The following PCSK6 variants were observed in gnomAD, a reference collection of about 807,000 sequenced individuals.
PCSK6 encodes paired basic amino acid cleaving enzyme 4.
A neutral mutation model predicts 123.3 loss-of-function variants in PCSK6; 85 were observed. The observed-to-expected ratio is 0.69, with a 90% CI of 0.58 to 0.83. The LOEUF (loss-of-function observed/expected upper bound fraction) is 0.83. PCSK6 is among the 40% of genes least tolerant of loss of function. PCSK6 has a pLI of 0.00. For synonymous variants in PCSK6, 508 were observed against 516.0 expected (o/e 0.98, Z 0.21); for missense variants, 1,191 against 1,282.3 (o/e 0.93, Z 1.09).
At chr15:101,365,870 T>C (rs8029747) in intron 13 of PCSK6, 78,737 of 197,998 alleles carry the variant, frequency 0.4, 17,375 homozygotes, top group East Asian at 0.59. Context: ...TCCAAAGAAA[T>C]GGTAAGTGGA....
At chr15:101,485,919 C>T (rs1403366817) in intron 1 of PCSK6, among the ~76,000 whole-genome samples, 1 of 151,952 alleles carries the variant, frequency 6.6e-6, no homozygotes, top group Non-Finnish European at 1.5e-5. Context: ...AGCCAGCCCT[C>T]CCATGCATGA....
chr15:101,445,501 C>A (rs919617404), intron 1 of PCSK6, among the ~76,000 whole-genome samples: 2 of 152,160 alleles, frequency 1.3e-5, no homozygotes, highest in Non-Finnish European at 2.9e-5. Flanking sequence ...TTATTTCTGC[C>A]CTATTTTGCT....
At chr15:101,376,854 C>T (rs2041760017) in intron 11 of PCSK6, among the ~76,000 whole-genome samples, 1 of 152,144 alleles carries the variant, frequency 6.6e-6, no homozygotes, top group South Asian at 2.1e-4. Context: ...CTTCTGAGGA[C>T]ACCCAGGCAT....
rs377128336 is a variant in PCSK6 at position 101,326,362 on chromosome 15, C to T, written c.2180+15G>A. ...CACTGAGTGGTGAGCCACAGGGCTG[C>T]GGGACATGCATTACCTGCTGGTCTT... On this transcript the variant is annotated intron_variant, in intron 16 of 21. Transcript: ENST00000611716. The T allele has an allele frequency of 1.7e-5, 27 of 1,553,102 alleles. No individual in the cohort carries two copies. The highest frequency in any genetic ancestry group is 1.6e-4 in the African/African-American group (12 of 73,280).
intron 9 of PCSK6, among the ~76,000 whole-genome samples, chr15:101,385,429 G>A (rs929493013): frequency 4.6e-5 from 7 of 152,284 alleles, no homozygotes; most frequent in East Asian, 1.9e-4. Context: ...TTGCCTGGAG[G>A]TGCTGAACTT....
At chr15:101,340,402 A>T (rs2040574376) in intron 13 of PCSK6, among the ~76,000 whole-genome samples, 1 of 152,246 alleles carries the variant, frequency 6.6e-6, no homozygotes, top group South Asian at 2.1e-4. Flanking sequence ...ACCTGTGTGT[A>T]CAATGGACAA....
At chr15:101,372,831 G>A (rs937413057) in intron 11 of PCSK6, among the ~76,000 whole-genome samples, 2 of 152,100 alleles carry the variant, frequency 1.3e-5, no homozygotes, top group African/African-American at 4.8e-5. Context: ...AAGATCAAGG[G>A]GAAACAGACA....
intron 7 of PCSK6, among the ~76,000 whole-genome samples, chr15:101,394,096 C>G (rs1473831264): frequency 6.6e-6 from 1 of 151,698 alleles, no homozygotes; most frequent in Non-Finnish European, 1.5e-5. Flanking sequence ...CTAGCCAAGG[C>G]CAGGGCCTCA....
chr15:101,428,304 C>T (rs192601766), intron 5 of PCSK6, among the ~76,000 whole-genome samples: 74 of 152,362 alleles, frequency 4.9e-4, no homozygotes, highest in Admixed American at 2.5e-3. Flanking sequence ...CCTCCCAGCA[C>T]GTGTAATTGG....
chr15:101,313,845 T>G, intron 19 of PCSK6: 1 of 215,568 alleles, frequency 4.6e-6, no homozygotes, highest in Non-Finnish European at 9.2e-6. Flanking sequence ...TGCCAAAGTC[T>G]TCATATAAAA....
At chr15:101,412,842 GC>G (rs1426867605) in intron 6 of PCSK6, among the ~76,000 whole-genome samples, 1 of 151,730 alleles carries the variant, frequency 6.6e-6, no homozygotes, top group African/African-American at 2.4e-5. Flanking sequence ...AGGAAAAAGG[GC>G]CAGGAGTGGT....
At chr15:101,395,820 G>A (rs955945639) in intron 7 of PCSK6, among the ~76,000 whole-genome samples, 17 of 152,276 alleles carry the variant, frequency 1.1e-4, no homozygotes, top group African/African-American at 2.4e-4. Flanking sequence ...ACCTGGACGC[G>A]GCCAGTGTCT....
At chr15:101,484,779 G>A (rs1226284677) in intron 1 of PCSK6, among the ~76,000 whole-genome samples, 4 of 152,226 alleles carry the variant, frequency 2.6e-5, no homozygotes, top group Admixed American at 6.5e-5. Context: ...CTATTTGAGA[G>A]ATGTATCTGT....
At chr15:101,380,265 G>A (rs2041877909) in intron 11 of PCSK6, among the ~76,000 whole-genome samples, 1 of 152,172 alleles carries the variant, frequency 6.6e-6, no homozygotes, top group Non-Finnish European at 1.5e-5. Flanking sequence ...CGCCACCTAG[G>A]CACCACTCTG....
rs1244338567 is a variant in PCSK6, at chr15:101,386,092, T to C, written c.1311-1667A>G. On this transcript the variant is annotated intron_variant, in intron 9 of 21. Coordinates refer to ENST00000611716, the MANE Select transcript of PCSK6 (RefSeq NM_002570.5). ...ACCAGAAGCACAAGCCCCAGCCTTG[T>C]CTCGGTGCACGTTTACTAGGAACGC... Among the ~76,000 whole-genome samples, 5 of 152,032 alleles carry C rather than the reference T, an allele frequency of 3.3e-5. No individual in the cohort carries two copies. The East Asian group carries it at 9.7e-4, about 29-fold the overall frequency.
intron 6 of PCSK6, among the ~76,000 whole-genome samples, chr15:101,417,019 AG>A (rs1199160364): frequency 6.6e-6 from 1 of 152,204 alleles, no homozygotes; most frequent in Non-Finnish European, 1.5e-5. Context: ...CTGTGAGAAG[AG>A]GGCCACCATC....
rs200889985 is a variant in PCSK6 at position 101,354,315 on chromosome 15, T to C, written c.1858+11881A>G. Reference sequence around the variant, plus strand: ...ATACATACAAGCCCACATACACACATACATACTTATACACAATACTCTCCC... The same window carrying C: ...ATACATACAAGCCCACATACACACACACATACTTATACACAATACTCTCCC... On this transcript the variant is annotated intron_variant, in intron 13 of 21. Transcript: ENST00000611716. Among the ~76,000 whole-genome samples, 8 of 152,204 alleles carry C rather than the reference T, an allele frequency of 5.3e-5. No individual in the cohort carries two copies. The East Asian group carries it at 1.4e-3, about 26-fold the overall frequency.
At chr15:101,368,001 T>A (rs1300988865) in intron 12 of PCSK6, among the ~76,000 whole-genome samples, 1 of 152,146 alleles carries the variant, frequency 6.6e-6, no homozygotes, top group Non-Finnish European at 1.5e-5. Flanking sequence ...ATTTTTGTAT[T>A]TTTAGTAGAG....
intron 6 of PCSK6, among the ~76,000 whole-genome samples, chr15:101,424,873 A>G (rs1355015355): frequency 1.3e-5 from 2 of 152,244 alleles, no homozygotes; most frequent in African/African-American, 4.8e-5. Flanking sequence ...TAACGCATTG[A>G]ATATGGTTGA....
Sources: gnomAD v4.1 joint callset for allele counts (sites outside exome capture counted in the v4.1 genomes callset) on GRCh38, gnomAD v4.1.1 for gene constraint, MANE v1.5 for transcripts, NCBI Gene and HGNC (gene_info 2026-07-23, HGNC 2026-07-21) for gene names.